The following CSMD1 variants were observed in gnomAD, a reference collection of about 807,000 sequenced individuals.
CSMD1 encodes CUB and sushi domain-containing protein 1.
A neutral mutation model predicts 417.5 loss-of-function variants in CSMD1; 213 were observed. The observed-to-expected ratio is 0.51, with a 90% CI of 0.46 to 0.57. The LOEUF (loss-of-function observed/expected upper bound fraction) is 0.57. CSMD1 is among the 20% of genes least tolerant of loss of function. The pLI, the probability that CSMD1 is intolerant of heterozygous loss-of-function variation, is 0.00. For synonymous variants in CSMD1, 2,862 were observed against 1,736.8 expected, an observed-to-expected ratio of 1.65 and a Z score of -16.11; for missense variants, 6,923 against 4,529.7, an observed-to-expected ratio of 1.53 and a Z score of -15.17.
At chr8:4,943,351 C>T (rs939942255) in intron 1 of CSMD1, among the ~76,000 whole-genome samples, 27 of 152,022 alleles carry the variant, frequency 1.8e-4, no homozygotes, top group Middle Eastern at 3.4e-3. Context: ...AAAAAATTAG[C>T]CGGGCGTGGT....
chr8:4,908,747 T>C (rs1478803558), intron 1 of CSMD1, among the ~76,000 whole-genome samples: 1 of 150,988 alleles, frequency 6.6e-6, no homozygotes, highest in Admixed American at 6.6e-5. Context: ...GTAATTCATT[T>C]TGATGCTTAG....
intron 7 of CSMD1, among the ~76,000 whole-genome samples, chr8:3,694,158 G>C (rs556401613): frequency 1.3e-5 from 2 of 152,048 alleles, no homozygotes; most frequent in Admixed American, 1.3e-4. Context: ...TGCTGGAGAG[G>C]GGCTCACAGA....
intron 5 of CSMD1, among the ~76,000 whole-genome samples, chr8:3,940,871 C>A (rs184389665): frequency 9.2e-4 from 89 of 96,280 alleles, no homozygotes; most frequent in Non-Finnish European, 1.6e-3. Context: ...ACGCTTCTTC[C>A]TTATGCCATC....
chr8:4,464,279 C>T (rs1350469710), intron 2 of CSMD1, among the ~76,000 whole-genome samples: 4 of 151,836 alleles, frequency 2.6e-5, no homozygotes, highest in African/African-American at 9.7e-5. Flanking sequence ...AAGCACAGGG[C>T]ATTATTATGT....
intron 1 of CSMD1, among the ~76,000 whole-genome samples, chr8:4,698,896 C>G (rs961123258): frequency 1.4e-5 from 2 of 146,322 alleles, no homozygotes; most frequent in Admixed American, 1.4e-4. Context: ...CATGTGCATA[C>G]CCTCCCAACA....
At chr8:4,088,154 A>G (rs1279063856) in intron 3 of CSMD1, among the ~76,000 whole-genome samples, 1 of 152,198 alleles carries the variant, frequency 6.6e-6, no homozygotes, top group Non-Finnish European at 1.5e-5. Context: ...CATTCTCAGT[A>G]AAGACATGAA....
At position 3,969,205 on chromosome 8, in the gene CSMD1, G is replaced by A. The variant is rs187522150; in HGVS notation, c.818+28698C>T. ...GCAGTGGTTGCAGTGAGCCTAGATC[G>A]TGACACTGCACTCCAGCCTGGGTGA... On this transcript the variant is annotated intron_variant, in intron 5 of 69. Transcript: ENST00000635120. Among the ~76,000 whole-genome samples, 436 of 152,212 alleles carry A rather than the reference G, an allele frequency of 2.9e-3. 1 individual carries two copies. Among genetic ancestry groups the A allele is most frequent in the African/African-American group, 9.4e-3 (392 of 41,512 alleles).
chr8:4,377,180 T>A (rs562607790), intron 3 of CSMD1, among the ~76,000 whole-genome samples: 1 of 152,298 alleles, frequency 6.6e-6, no homozygotes, highest in East Asian at 1.9e-4. Context: ...GTGCATGGAA[T>A]TGATTACACA....
At chr8:3,554,304 G>C (rs113441908) in intron 10 of CSMD1, among the ~76,000 whole-genome samples, 5,279 of 152,326 alleles carry the variant, frequency 0.035, 326 homozygotes, top group African/African-American at 0.12. Flanking sequence ...GTCCAGACCA[G>C]TTCAACATGA....
intron 18 of CSMD1, among the ~76,000 whole-genome samples, chr8:3,387,117 G>A (rs916729428): frequency 7.2e-5 from 11 of 152,226 alleles, no homozygotes; most frequent in Non-Finnish European, 1.6e-4. Flanking sequence ...ACTGTAGACT[G>A]AGAGGAAGTG....
At chr8:4,450,196 G>C (rs141745004) in intron 2 of CSMD1, among the ~76,000 whole-genome samples, 179 of 152,312 alleles carry the variant, frequency 1.2e-3, no homozygotes, top group Admixed American at 4.1e-3. Context: ...GGCAACAATT[G>C]AAGTTACAGA....
At chr8:3,268,217 A>T (rs1304537882) in intron 26 of CSMD1, among the ~76,000 whole-genome samples, 1 of 149,776 alleles carries the variant, frequency 6.7e-6, no homozygotes, top group Admixed American at 6.7e-5. Context: ...TGATTACACT[A>T]GTGCCATCAT....
At chr8:3,459,575 C>A (rs1816370894) in intron 12 of CSMD1, among the ~76,000 whole-genome samples, 1 of 152,112 alleles carries the variant, frequency 6.6e-6, no homozygotes, top group Non-Finnish European at 1.5e-5. Flanking sequence ...AAATGCATCC[C>A]TTTGCCAACA....
At chr8:3,254,714 A>G (rs1410239181) in intron 26 of CSMD1, among the ~76,000 whole-genome samples, 2 of 152,048 alleles carry the variant, frequency 1.3e-5, no homozygotes, top group Non-Finnish European at 2.9e-5. Flanking sequence ...CTTGGTTTTC[A>G]GCTCCGTCAG....
intron 5 of CSMD1, among the ~76,000 whole-genome samples, chr8:3,792,710 A>G (rs745445289): frequency 6.6e-5 from 10 of 152,200 alleles, no homozygotes; most frequent in Non-Finnish European, 1.5e-4. Context: ...TGACACAGTC[A>G]AGTTGGTGAA....
intron 1 of CSMD1, among the ~76,000 whole-genome samples, chr8:4,685,014 C>G (rs1486750709): frequency 6.6e-6 from 1 of 152,166 alleles, no homozygotes; most frequent in African/African-American, 2.4e-5. Flanking sequence ...AACAACGGGA[C>G]TCAGAAATCA....
chr8:3,138,533 A>C (rs1023106053), intron 41 of CSMD1, among the ~76,000 whole-genome samples: 2 of 152,202 alleles, frequency 1.3e-5, no homozygotes, highest in Admixed American at 6.5e-5. Flanking sequence ...ACACAAGAAG[A>C]AGCACATCAG....
chr8:3,802,367 TAG>T, intron 5 of CSMD1, among the ~76,000 whole-genome samples: 1 of 152,308 alleles, frequency 6.6e-6, no homozygotes, highest in African/African-American at 2.4e-5. Context: ...CATGTGCTTA[TAG>T]AGATATTTAA....
At chr8:4,291,640 C>A (rs1002342189) in intron 3 of CSMD1, among the ~76,000 whole-genome samples, 5 of 152,094 alleles carry the variant, frequency 3.3e-5, no homozygotes, top group African/African-American at 1.2e-4. Flanking sequence ...TAAATTATAG[C>A]CGCAATATGG....
Sources: gnomAD v4.1 joint callset for allele counts (sites outside exome capture counted in the v4.1 genomes callset) on GRCh38, gnomAD v4.1.1 for gene constraint, MANE v1.5 for transcripts, NCBI Gene and HGNC (gene_info 2026-07-23, HGNC 2026-07-21) for gene names.